The following CRK variants were observed in gnomAD, a reference collection of about 807,000 sequenced individuals.
The protein encoded by CRK is adapter molecule crk.
CRK carries 4 observed loss-of-function variants against 29.8 expected under a neutral mutation model. The ratio of observed to expected loss-of-function variants is 0.13; its 90% CI spans 0.07 to 0.31. The LOEUF is 0.31. CRK is among the 10% of genes least tolerant of loss of function. The pLI is 1.00. For synonymous variants in CRK, 153 were observed against 164.9 expected (o/e 0.93, Z 0.55); for missense variants, 274 against 396.5 (o/e 0.69, Z 2.62).
At chr17:1,425,783 ACT>A (rs2073773414) in intron 2 of CRK, among the ~76,000 whole-genome samples, 1 of 152,168 alleles carries the variant, frequency 6.6e-6, no homozygotes, top group Non-Finnish European at 1.5e-5. Flanking sequence ...TTCCTGAAGA[ACT>A]CTCTAAAAAT....
intron 1 of CRK, among the ~76,000 whole-genome samples, chr17:1,444,401 C>T (rs890924988): frequency 6.6e-6 from 1 of 152,126 alleles, no homozygotes; most frequent in South Asian, 2.1e-4. Context: ...GGGTGGTGCG[C>T]GCCTTTAGTC....
chr17:1,454,079 C>T (rs1458408281), intron 1 of CRK, among the ~76,000 whole-genome samples: 1 of 151,798 alleles, frequency 6.6e-6, no homozygotes, highest in African/African-American at 2.4e-5. Flanking sequence ...GTGATGCACA[C>T]CAGCAATCCC....
At position 1,456,146 on chromosome 17, in the gene CRK, G is replaced by A. The variant is rs1567504588; in HGVS notation, c.-29C>T. 1.4e-6 allele frequency: 2 copies of A among 1,456,290 alleles called. No individual in the cohort carries two copies. Among genetic ancestry groups the A allele is most frequent in the Non-Finnish European group, 1.8e-6 (2 of 1,104,534 alleles). 90.2% of individuals were successfully genotyped at this position (1,456,290 alleles called of 1,614,324 possible). A position where few individuals can be genotyped will look rare whatever the true frequency, so the allele number is the denominator to read the frequency against. On this transcript the variant is annotated 5_prime_UTR_variant, in exon 1 of 3. Transcript: ENST00000300574. ...TGCCTCCGCGCCTAAACGCTGGGGT[G>A]CCGCCGCCGCGCGCGCCCCTCCGGC...
At chr17:1,426,727 G>A (rs2073782284) in intron 2 of CRK, among the ~76,000 whole-genome samples, 1 of 152,038 alleles carries the variant, frequency 6.6e-6, no homozygotes, top group Non-Finnish European at 1.5e-5. Context: ...GCCAGGTGTG[G>A]TGGCAGGCGC....
At chr17:1,447,083 GGGA>G (rs1008882376) in intron 1 of CRK, among the ~76,000 whole-genome samples, 7 of 152,178 alleles carry the variant, frequency 4.6e-5, no homozygotes, top group African/African-American at 1.4e-4. Flanking sequence ...CCAGAAGGAA[GGGA>G]GGAGAACAGA....
At position 1,448,431 on chromosome 17, in the gene CRK, C is replaced by G. The variant is rs907512653; in HGVS notation, c.241+7446G>C. Among the ~76,000 whole-genome samples the G allele has an allele frequency of 1.1e-4, 17 of 151,896 alleles. No individual in the cohort carries two copies. In the East Asian group the frequency reaches 3.3e-3, roughly 29 times the overall value. On this transcript the variant is annotated intron_variant, in intron 1 of 2. Transcript: ENST00000300574. Reference sequence around the variant, plus strand: ...CTGAGGTCAGGAGTTCAAGACCAGCCTGATCAACATGGTGAAACCCATCTC... The same window carrying G: ...CTGAGGTCAGGAGTTCAAGACCAGCGTGATCAACATGGTGAAACCCATCTC...
intron 2 of CRK, among the ~76,000 whole-genome samples, chr17:1,435,876 AGAGG>A (rs2073882594): frequency 1.3e-5 from 2 of 151,802 alleles, no homozygotes; most frequent in Admixed American, 6.6e-5. Context: ...AGGAAGGGAG[AGAGG>A]GAGGAAGGAA....
rs1382031163 is a variant in CRK at position 1,443,602 on chromosome 17, T to C, written c.242-6447A>G. 1.1e-3 allele frequency among the ~76,000 whole-genome samples: 166 copies of C among 150,732 alleles called. 1 individual carries two copies. The highest frequency in any genetic ancestry group is 0.011 in the Admixed American group (160 of 15,030). ...TTTTAGTAGAGACGGGGTTTCACCA[T>C]GTTAGCCAGGATGGTTTCGATCTCC... On this transcript the variant is annotated intron_variant, in intron 1 of 2. Transcript: ENST00000300574.
Position 1,455,985 on chromosome 17 carries a change from C to T in CRK, c.133G>A (p.Gly45Arg). The change falls in exon 1 of 3, where the codon GGG becomes AGG. Residue 45 changes from glycine to arginine, a missense_variant. Physicochemically the swap from Gly to Arg is moderately radical, Grantham distance 125. This residue lies in a region of CRK where 135 missense variants were observed against 180.9 expected (regional missense o/e 0.75). Transcript: ENST00000300574. ...TCTGAGACGCTGAGCACATAGTCCCCGGGGCTGGTGCTCGAGTCCCGCACC... is the reference window on the plus strand; with the variant it reads ...TCTGAGACGCTGAGCACATAGTCCCTGGGGCTGGTGCTCGAGTCCCGCACC... The part of the protein sequence containing the change: ...FLVRDSSTSP[G>R]DYVLSVSENS... 1 of 1,601,246 alleles carries T rather than the reference C, an allele frequency of 6.2e-7. No homozygotes were observed. The highest frequency in any genetic ancestry group is 1.7e-5 in the Admixed American group (1 of 59,082).
Position 1,423,615 on chromosome 17 carries a change from C to G in CRK, c.813G>C (p.Val271=). The part of the protein sequence containing the change: ...GELVKVTKIN[V]SGQWEGECNG... Reference sequence around the variant, plus strand: ...TACACTCCCCTTCCCACTGACCACTCACATTAATCTTCGTAACCTTTACCA... The same window carrying G: ...TACACTCCCCTTCCCACTGACCACTGACATTAATCTTCGTAACCTTTACCA... Residue 271 remains valine, a synonymous_variant, in exon 3 of 3, where the codon GTG becomes GTC. Coordinates refer to ENST00000300574, the MANE Select transcript of CRK (RefSeq NM_016823.4). 1 of 1,614,168 alleles carries G rather than the reference C, an allele frequency of 6.2e-7. No individual in the cohort carries two copies. Among genetic ancestry groups the G allele is most frequent in the Non-Finnish European group, 8.5e-7 (1 of 1,180,018 alleles).
rs989613817 is a variant in CRK at position 1,421,141 on chromosome 17, C to T, written c.*2372G>A. ...TGATTTCTTGAGGGGCATTAACTGCCACACTCAACAGTCAAATCCAGCCCA... is the reference window on the plus strand; with the variant it reads ...TGATTTCTTGAGGGGCATTAACTGCTACACTCAACAGTCAAATCCAGCCCA... On this transcript the variant is annotated 3_prime_UTR_variant, in exon 3 of 3. Coordinates refer to ENST00000300574, the MANE Select transcript of CRK (RefSeq NM_016823.4). 1 of 152,122 alleles carries T rather than the reference C, an allele frequency of 6.6e-6. No homozygotes were observed. Among genetic ancestry groups the T allele is most frequent in the African/African-American group, 2.4e-5 (1 of 41,420 alleles). 9.4% of individuals were successfully genotyped at this position (152,122 alleles called of 1,614,324 possible). A position where few individuals can be genotyped will look rare whatever the true frequency, so the allele number is the denominator to read the frequency against.
chr17:1,455,741 C>A, intron 1 of CRK, 136 bp downstream of exon 1: 1 of 1,258,280 alleles, frequency 7.9e-7, no homozygotes, highest in Non-Finnish European at 1.0e-6. Context: ...GCCCGAGCAG[C>A]CGGCGGGCCC....
At position 1,421,332 on chromosome 17, in the gene CRK, T is replaced by C. The variant is rs2073722434; in HGVS notation, c.*2181A>G. The C allele has an allele frequency of 6.6e-6, 1 of 152,220 alleles. No individual in the cohort carries two copies. Among genetic ancestry groups the C allele is most frequent in the Admixed American group, 6.5e-5 (1 of 15,270 alleles). The allele number at this position is 152,220 out of a possible 1,614,324, so 9.4% of individuals were successfully genotyped here. On this transcript the variant is annotated 3_prime_UTR_variant, in exon 3 of 3. Coordinates refer to ENST00000300574, the MANE Select transcript of CRK (RefSeq NM_016823.4). ...ACATTCAAATCAGTTGTGACAAGGT[T>C]TTTCTACAAGTATTTTTGATGCCAT...
Position 1,421,430 on chromosome 17 carries a change from A to C in CRK, c.*2083T>G, listed in dbSNP as rs1028495240. ...TACGTTCTAACTGAAAATTTAACAA[A>C]GCAGTCAGATGGAATTACATGTAGT... On this transcript the variant is annotated 3_prime_UTR_variant, in exon 3 of 3. Transcript: ENST00000300574. 3.3e-5 allele frequency: 5 copies of C among 152,224 alleles called. No individual in the cohort carries two copies. The highest frequency in any genetic ancestry group is 2.6e-4 in the Admixed American group (4 of 15,266). 9.4% of individuals were successfully genotyped at this position (152,224 alleles called of 1,614,324 possible).
At position 1,446,451 on chromosome 17, in the gene CRK, C is replaced by T. The variant is rs112162980; in HGVS notation, c.242-9296G>A. Among the ~76,000 whole-genome samples the T allele has an allele frequency of 1.3e-4, 20 of 152,234 alleles. 1 individual carries two copies. The highest frequency in any genetic ancestry group is 4.8e-4 in the African/African-American group (20 of 41,558). On this transcript the variant is annotated intron_variant, in intron 1 of 2. Transcript: ENST00000300574. ...GAAATACATTTTGGCGGGGAAAGAA[C>T]AAATGAGACTACTAAGCCAAGTCGC... is the stretch of plus-strand genomic sequence containing the variant.
In CRK at chr17:1,423,613, C is replaced by G; in HGVS notation, c.815G>C (p.Ser272Thr). The G allele has an allele frequency of 5.0e-6, 8 of 1,614,202 alleles. No homozygotes were observed. The highest frequency in any genetic ancestry group is 6.8e-6 in the Non-Finnish European group (8 of 1,180,034). Residue 272 changes from serine to threonine, a missense_variant, in exon 3 of 3, where the codon AGT becomes ACT. Physicochemically the swap from Ser to Thr is moderately conservative, Grantham distance 58. Around this residue, in one of 3 missense-constraint regions of CRK, gnomAD observed 121 missense variants for 154.3 expected, o/e 0.78. Coordinates refer to ENST00000300574, the MANE Select transcript of CRK (RefSeq NM_016823.4). Reference protein sequence around the residue: ...ELVKVTKINVSGQWEGECNGK... With the variant: ...ELVKVTKINVTGQWEGECNGK... ...ATTACACTCCCCTTCCCACTGACCA[C>G]TCACATTAATCTTCGTAACCTTTAC... is the stretch of plus-strand genomic sequence containing the variant.
chr17:1,424,128 G>A (rs1047591465), intron 2 of CRK, among the ~76,000 whole-genome samples: 5 of 148,546 alleles, frequency 3.4e-5, no homozygotes, highest in Admixed American at 6.8e-5. Flanking sequence ...TGACAGTGGC[G>A]TGATCTCAGC....
At position 1,441,639 on chromosome 17, in the gene CRK, G is replaced by A. The variant is rs548087589; in HGVS notation, c.242-4484C>T. Among the ~76,000 whole-genome samples the A allele has an allele frequency of 8.6e-5, 13 of 151,900 alleles. No individual in the cohort carries two copies. In the South Asian group the frequency reaches 2.3e-3, roughly 27 times the overall value. ...CCCGAGTAGCTGGGACTACAGGCCC[G>A]CGCCACCACACCCGGCTAATTTTTG... On this transcript the variant is annotated intron_variant, in intron 1 of 2. Coordinates refer to ENST00000300574, the MANE Select transcript of CRK (RefSeq NM_016823.4).
At chr17:1,442,439 A>G (rs183269614) in intron 1 of CRK, among the ~76,000 whole-genome samples, 10 of 151,856 alleles carry the variant, frequency 6.6e-5, no homozygotes, top group Middle Eastern at 3.4e-3. Context: ...GATGTGCACC[A>G]CTGCAGTACT....
Sources: allele counts gnomAD v4.1 joint callset (sites outside exome capture counted in the v4.1 genomes callset), GRCh38; gene constraint gnomAD v4.1.1; regional missense constraint gnomAD v4.1.1; transcripts MANE v1.5; gene names NCBI Gene and HGNC (gene_info 2026-07-23, HGNC 2026-07-21).